The following PLD5 variants were observed in gnomAD, a reference collection of about 807,000 sequenced individuals.
The protein encoded by PLD5 is inactive phospholipase D5.
PLD5 carries 36 observed loss-of-function variants against 61.1 expected under a neutral mutation model. The observed-to-expected ratio is 0.59, with a 90% CI of 0.45 to 0.78. PLD5 has a LOEUF of 0.78. Among genes scored for constraint, PLD5 ranks in the 30% least tolerant of loss-of-function variants. The probability of loss-of-function intolerance (pLI) is 0.00; values close to 1 mark genes in which losing one functional copy is unlikely to be tolerated. For synonymous variants in PLD5, 243 were observed against 242.8 expected (o/e 1.00, Z -0.01); for missense variants, 515 against 644.4 (o/e 0.80, Z 2.17).
At chr1:242,259,326 C>CTCA (rs1553337791) in intron 4 of PLD5, among the ~76,000 whole-genome samples, 2 of 150,560 alleles carry the variant, frequency 1.3e-5, no homozygotes, top group African/African-American at 4.9e-5. Flanking sequence ...CTCTCTCTCT[C>CTCA]AAAAAAAATA....
chr1:242,390,818 C>T (rs1211402620), intron 1 of PLD5, among the ~76,000 whole-genome samples: 1 of 152,002 alleles, frequency 6.6e-6, no homozygotes, highest in Non-Finnish European at 1.5e-5. Context: ...ATGTTAAGGA[C>T]CTGAGAAATG....
chr1:242,263,450 TTAATA>T (rs1227281887), intron 4 of PLD5, among the ~76,000 whole-genome samples: 3 of 150,818 alleles, frequency 2.0e-5, no homozygotes, highest in African/African-American at 7.4e-5. Context: ...CTGTGATCAT[TTAATA>T]TATGTCTACC....
intron 1 of PLD5, among the ~76,000 whole-genome samples, chr1:242,497,400 T>A (rs1668405903): frequency 6.6e-6 from 1 of 152,218 alleles, no homozygotes; most frequent in Non-Finnish European, 1.5e-5. Context: ...AAATGACCTC[T>A]CAGATGCAAT....
intron 8 of PLD5, among the ~76,000 whole-genome samples, chr1:242,106,508 A>G (rs1393367554): frequency 2.6e-5 from 4 of 152,172 alleles, no homozygotes; most frequent in Non-Finnish European, 1.5e-5. Context: ...CTTTCTGACC[A>G]TGGTCATAAG....
At chr1:242,240,785 C>T (rs148905748) in intron 4 of PLD5, among the ~76,000 whole-genome samples, 2 of 152,208 alleles carry the variant, frequency 1.3e-5, no homozygotes, top group East Asian at 3.9e-4. Context: ...GAAAAATAGT[C>T]GTATGTGACA....
At chr1:242,177,033 T>C (rs1667194711) in intron 5 of PLD5, among the ~76,000 whole-genome samples, 1 of 152,192 alleles carries the variant, frequency 6.6e-6, no homozygotes, top group African/African-American at 2.4e-5. Context: ...CTCAAGGATC[T>C]AGAACCAGAA....
chr1:242,493,692 T>G (rs1668249901), intron 1 of PLD5, among the ~76,000 whole-genome samples: 1 of 152,022 alleles, frequency 6.6e-6, no homozygotes, highest in Non-Finnish European at 1.5e-5. Flanking sequence ...CAGAACTCAC[T>G]ACTCTCACCC....
At chr1:242,345,088 C>T (rs1252723128) in intron 2 of PLD5, among the ~76,000 whole-genome samples, 7 of 152,110 alleles carry the variant, frequency 4.6e-5, no homozygotes, top group Non-Finnish European at 1.0e-4. Context: ...TCCCACAACA[C>T]GTGGGAATTC....
chr1:242,357,108 G>C (rs930895134), intron 1 of PLD5, among the ~76,000 whole-genome samples: 1 of 151,984 alleles, frequency 6.6e-6, no homozygotes, highest in Non-Finnish European at 1.5e-5. Flanking sequence ...CTGTAAGAGA[G>C]ACCTAATAAT....
intron 1 of PLD5, among the ~76,000 whole-genome samples, chr1:242,510,303 A>G (rs1034269243): frequency 5.9e-5 from 9 of 152,228 alleles, no homozygotes; most frequent in African/African-American, 2.2e-4. Flanking sequence ...CCAAGTGCAG[A>G]ACATGATTCT....
intron 3 of PLD5, among the ~76,000 whole-genome samples, chr1:242,273,176 G>A (rs1674211561): frequency 6.6e-6 from 1 of 151,640 alleles, no homozygotes; most frequent in Non-Finnish European, 1.5e-5. Context: ...AACATGTGGT[G>A]TTTTGTTTTC....
intron 2 of PLD5, among the ~76,000 whole-genome samples, chr1:242,333,810 A>G (rs1392670044): frequency 6.6e-6 from 1 of 152,178 alleles, no homozygotes; most frequent in East Asian, 1.9e-4. Context: ...TCCATGTTGC[A>G]GGAAATTACA....
intron 6 of PLD5, among the ~76,000 whole-genome samples, chr1:242,120,631 AT>A (rs1432398927): frequency 6.6e-6 from 1 of 152,230 alleles, no homozygotes; most frequent in Admixed American, 6.5e-5. Flanking sequence ...ACATCTCCAT[AT>A]ACATGGCTGA....
intron 1 of PLD5, among the ~76,000 whole-genome samples, chr1:242,491,252 G>A (rs1308654986): frequency 6.6e-6 from 1 of 152,132 alleles, no homozygotes. Flanking sequence ...CTTTCAAGTT[G>A]AGTATTTTCC....
intron 5 of PLD5, among the ~76,000 whole-genome samples, chr1:242,143,971 G>A (rs1664362077): frequency 6.6e-6 from 1 of 151,822 alleles, no homozygotes. Context: ...CTCTCAAGTA[G>A]CGATTCTCAT....
At chr1:242,285,424 G>C (rs1674965543) in intron 3 of PLD5, among the ~76,000 whole-genome samples, 1 of 152,122 alleles carries the variant, frequency 6.6e-6, no homozygotes, top group Non-Finnish European at 1.5e-5. Flanking sequence ...CTTGAACCCG[G>C]GAAGTAGAGG....
At chr1:242,187,817 T>C (rs7540456) in intron 5 of PLD5, among the ~76,000 whole-genome samples, 3,799 of 152,284 alleles carry the variant, frequency 0.025, 177 homozygotes, top group African/African-American at 0.087. Flanking sequence ...TGCAAAGACG[T>C]AAGAGATGAA....
chr1:242,402,908 G>T (rs1467587384), intron 1 of PLD5, among the ~76,000 whole-genome samples: 2 of 152,184 alleles, frequency 1.3e-5, no homozygotes, highest in African/African-American at 4.8e-5. Flanking sequence ...GAAGCTAGAA[G>T]TAATTTACTG....
At chr1:242,468,533 C>T (rs1667343325) in intron 1 of PLD5, among the ~76,000 whole-genome samples, 1 of 152,098 alleles carries the variant, frequency 6.6e-6, no homozygotes, top group African/African-American at 2.4e-5. Flanking sequence ...GTGCCTATAT[C>T]TGCAGACCTT....
Sources: gnomAD v4.1 joint callset for allele counts (sites outside exome capture counted in the v4.1 genomes callset) on GRCh38, gnomAD v4.1.1 for gene constraint, MANE v1.5 for transcripts, NCBI Gene and HGNC (gene_info 2026-07-23, HGNC 2026-07-21) for gene names.